Variants in MLANA observed in about 807,000 individuals in gnomAD.
The protein encoded by MLANA is melan-A, also known as melanoma antigen recognized by T-cells 1.
MLANA carries 21 observed loss-of-function variants against 15.7 expected under a neutral mutation model. That is an observed-to-expected ratio of 1.33 (90% CI 0.95 to 1.92). MLANA has a LOEUF of 1.92. Ranked by LOEUF, MLANA falls within the 40% of genes most tolerant of loss-of-function variation. MLANA has a pLI of 0.00. For synonymous variants in MLANA, 56 were observed against 51.5 expected (o/e 1.09, Z -0.37); for missense variants, 164 against 143.8 (o/e 1.14, Z -0.72).
chr9:5,892,274 C>T (rs1271669487), intron 1 of MLANA, among the ~76,000 whole-genome samples, 176 bp from the exon 2 acceptor site: 2 of 152,128 alleles, frequency 1.3e-5, no homozygotes, highest in East Asian at 1.9e-4. Context: ...TGAGCTATTG[C>T]TAAAGCCCTT....
In MLANA at chr9:5,906,885, G is replaced by C. The variant is rs758870073; in HGVS notation, c.175G>C (p.Asp59His). 1 of 1,566,702 alleles carries C rather than the reference G, an allele frequency of 6.4e-7. No homozygotes were observed. Among genetic ancestry groups the C allele is most frequent in the South Asian group, 1.2e-5 (1 of 84,014 alleles). Residue 59 changes from aspartate (D) to histidine (H), a missense_variant and splice_region_variant, in exon 4 of 5, where the codon GAT (aspartate) becomes CAT (histidine). Asp to His is a moderately conservative substitution (Grantham distance 81, BLOSUM62 -1). Transcript: ENST00000381477. ...TCACCTTTATCAATTTACATTTCAG[G>C]ATAAAAGTCTTCATGTTGGCACTCA... ...RRRNGYRALM[D>H]KSLHVGTQCA... is the part of the protein sequence containing the mutation.
In MLANA at chr9:5,892,609, G is replaced by A. The variant is rs887102530; in HGVS notation, c.77+58G>A. On this transcript the variant is annotated intron_variant, in intron 2 of 4. Coordinates refer to ENST00000381477, the MANE Select transcript of MLANA (RefSeq NM_005511.2). ...AGTTTGCCGTTTGCTGACACAGCCT[G>A]CTGACTTCCACCAGTACATGCCTGC... 1.2e-5 allele frequency: 17 copies of A among 1,445,440 alleles called. No homozygotes were observed. The African/African-American group carries it at 2.3e-4, about 19-fold the overall frequency. The allele number at this position is 1,445,440 out of a possible 1,614,324, so 89.5% of individuals were successfully genotyped here.
intron 4 of MLANA, chr9:5,907,214 T>A: frequency 3.1e-6 from 1 of 320,580 alleles, no homozygotes; most frequent in Non-Finnish European, 5.6e-6. Context: ...ACAGATATTT[T>A]CTTAATTGTG....
intron 1 of MLANA, 134 bp from the exon 2 acceptor site, chr9:5,892,316 C>G (rs1244916447): frequency 4.0e-6 from 2 of 498,070 alleles, no homozygotes; most frequent in East Asian, 3.3e-5. Flanking sequence ...TGCAAATCCC[C>G]TCACAGAGAG....
intron 3 of MLANA, among the ~76,000 whole-genome samples, chr9:5,901,945 G>A (rs1432039915): frequency 6.6e-6 from 1 of 152,150 alleles, no homozygotes; most frequent in African/African-American, 2.4e-5. Context: ...TTTTGCATCT[G>A]TATTCATGAG....
chr9:5,907,969 A>G (rs777080209), intron 4 of MLANA, among the ~76,000 whole-genome samples: 4 of 152,048 alleles, frequency 2.6e-5, no homozygotes, highest in Non-Finnish European at 5.9e-5. Flanking sequence ...TAAATAAATA[A>G]AATAAAATTA....
chr9:5,907,076 A>T, intron 4 of MLANA, 78 bp downstream of exon 4: 1 of 996,388 alleles, frequency 1.0e-6, no homozygotes, highest in Non-Finnish European at 1.4e-6. Flanking sequence ...TTTCCATTTA[A>T]AAAGCAAGGA....
chr9:5,907,210 A>G (rs1358053111), intron 4 of MLANA: 1 of 320,342 alleles, frequency 3.1e-6, no homozygotes, highest in African/African-American at 2.1e-5. Flanking sequence ...AAGTACAGAT[A>G]TTTTCTTAAT....
chr9:5,900,740 T>C (rs1289540682), intron 3 of MLANA, among the ~76,000 whole-genome samples: 5 of 152,236 alleles, frequency 3.3e-5, no homozygotes, highest in African/African-American at 4.8e-5. Context: ...AAACATCTTT[T>C]GAAAGGAAAG....
intron 2 of MLANA, 46 bp from the exon 3 acceptor site, chr9:5,897,511 A>G (rs1429832538): frequency 6.6e-7 from 1 of 1,522,586 alleles, no homozygotes; most frequent in Non-Finnish European, 9.1e-7. Flanking sequence ...CATAATGTAG[A>G]ACAATGTTTC....
At chr9:5,906,753 T>C (rs1190162165) in intron 3 of MLANA, 132 bp from the exon 4 acceptor site, 1 of 560,478 alleles carries the variant, frequency 1.8e-6, no homozygotes, top group African/African-American at 2.0e-5. Flanking sequence ...GTGATGAGAC[T>C]GAAGGCACAC....
chr9:5,904,436 G>T (rs559465861), intron 3 of MLANA, among the ~76,000 whole-genome samples: 4 of 151,920 alleles, frequency 2.6e-5, no homozygotes, highest in Admixed American at 1.3e-4. Flanking sequence ...CATTTTATAT[G>T]ATTCCATTTT....
intron 3 of MLANA, among the ~76,000 whole-genome samples, chr9:5,902,267 C>T (rs1244105238): frequency 6.6e-6 from 1 of 152,020 alleles, no homozygotes; most frequent in African/African-American, 2.4e-5. Flanking sequence ...TTACATTCAC[C>T]TAGGTTTTCA....
At chr9:5,907,794 A>C (rs1037900610) in intron 4 of MLANA, among the ~76,000 whole-genome samples, 4 of 152,130 alleles carry the variant, frequency 2.6e-5, no homozygotes, top group African/African-American at 9.7e-5. Context: ...CTTTACTAAA[A>C]ATACAAAAAT....
chr9:5,909,930 A>G lies in MLANA; in HGVS notation c.*1222A>G, dbSNP rs1247696291. The G allele has an allele frequency of 6.6e-6, 1 of 152,250 alleles. No homozygotes were observed. The highest frequency in any genetic ancestry group is 1.5e-5 in the Non-Finnish European group (1 of 68,028). The allele number at this position is 152,250 out of a possible 1,614,324, so 9.4% of individuals were successfully genotyped here. ...CTAATATTTCTCTTTCAGGCAGCTC[A>G]TTTAAACTTTTTTTGGCTTTAATTC... On this transcript the variant is annotated 3_prime_UTR_variant, in exon 5 of 5. Coordinates refer to ENST00000381477, the MANE Select transcript of MLANA (RefSeq NM_005511.2).
chr9:5,906,857 C>A, intron 3 of MLANA, 28 bp from the exon 4 acceptor site: 2 of 1,398,150 alleles, frequency 1.4e-6, no homozygotes, highest in Admixed American at 2.4e-5. Context: ...TCTTCTCACC[C>A]ACTCACCTTT....
At position 5,894,577 on chromosome 9, in the gene MLANA, C is replaced by A. The variant is rs1563809942; in HGVS notation, c.77+2026C>A. Among the ~76,000 whole-genome samples, 1 of 152,150 alleles carries A rather than the reference C, an allele frequency of 6.6e-6. No homozygotes were observed. Among genetic ancestry groups the A allele is most frequent in the African/African-American group, 2.4e-5 (1 of 41,426 alleles). ...GAGCTTAGAAGTGAGGGGCATGAAT[C>A]AAATACTCAGGCCTCTGAGGTCAGC... On this transcript the variant is annotated intron_variant, in intron 2 of 4. Transcript: ENST00000381477. The surrounding 1 kb of genome is among the most constrained non-coding windows in gnomAD (Gnocchi z 4.0).
chr9:5,904,924 C>T (rs1019711335), intron 3 of MLANA, among the ~76,000 whole-genome samples: 5 of 152,044 alleles, frequency 3.3e-5, no homozygotes, highest in Admixed American at 3.3e-4. Context: ...CAGGTGCCCG[C>T]TACCATGCCT....
intron 2 of MLANA, among the ~76,000 whole-genome samples, chr9:5,893,773 T>A (rs1189915018): frequency 6.6e-6 from 1 of 152,166 alleles, no homozygotes; most frequent in Non-Finnish European, 1.5e-5. Flanking sequence ...CCTTGGGATG[T>A]CACTTTTGTC....
Sources: gnomAD v4.1 joint callset for allele counts (sites outside exome capture counted in the v4.1 genomes callset) on GRCh38, gnomAD v4.1.1 for gene constraint, Gnocchi (gnomAD v3.1) non-coding constraint, MANE v1.5 for transcripts, NCBI Gene and HGNC (gene_info 2026-07-23, HGNC 2026-07-21) for gene names.